TSPAN15: variants seen among roughly 807,000 people sequenced by gnomAD.
TSPAN15 encodes tetraspanin-15.
TSPAN15 carries 20 observed loss-of-function variants against 34.5 expected under a neutral mutation model. The observed-to-expected ratio is 0.58, with a 90% CI of 0.41 to 0.84. The LOEUF is 0.84. Among genes scored for constraint, TSPAN15 ranks in the 40% least tolerant of loss-of-function variants. The pLI, the probability that TSPAN15 is intolerant of heterozygous loss-of-function variation, is 0.00. For synonymous variants in TSPAN15, 155 were observed against 153.9 expected (o/e 1.01, Z -0.05); for missense variants, 313 against 386.1 (o/e 0.81, Z 1.59).
At chr10:69,461,804 G>C (rs112850579) in intron 1 of TSPAN15, among the ~76,000 whole-genome samples, 29 of 152,188 alleles carry the variant, frequency 1.9e-4, no homozygotes, top group Non-Finnish European at 3.8e-4. Flanking sequence ...TCTGAGACTA[G>C]GTCACTTCCC....
At chr10:69,482,470 C>A (rs557281068) in intron 1 of TSPAN15, among the ~76,000 whole-genome samples, 1 of 152,254 alleles carries the variant, frequency 6.6e-6, no homozygotes, top group South Asian at 2.1e-4. Flanking sequence ...TCTTCCTGCT[C>A]CAACCTTTGG....
chr10:69,505,957 C>T (rs537576616), intron 6 of TSPAN15, 167 bp from the exon 7 acceptor site: 1 of 604,260 alleles, frequency 1.7e-6, no homozygotes, highest in African/African-American at 1.8e-5. Flanking sequence ...ACAGTACTGT[C>T]CATTAAGAAT....
intron 6 of TSPAN15, among the ~76,000 whole-genome samples, chr10:69,505,718 T>G (rs2133166700): frequency 6.6e-6 from 1 of 152,274 alleles, no homozygotes; most frequent in Non-Finnish European, 1.5e-5. Context: ...CTGCTTTGTT[T>G]TTTATATGTA....
chr10:69,531,961 A>AC, the TSPAN15 span, among the ~76,000 whole-genome samples: 19 of 151,338 alleles, frequency 1.3e-4, no homozygotes, highest in East Asian at 5.9e-4. Flanking sequence ...CAAAAAAAAA[A>AC]CTTAGGAATA....
chr10:69,464,839 G>A (rs776045494), intron 1 of TSPAN15, among the ~76,000 whole-genome samples: 19 of 152,210 alleles, frequency 1.2e-4, no homozygotes, highest in Non-Finnish European at 2.5e-4. Flanking sequence ...GTGCAGGGGG[G>A]ACAATGGACA....
In TSPAN15 at chr10:69,465,597, A is replaced by C. The variant is rs1427345551; in HGVS notation, c.96+13907A>C. ...CATTCTCTCACTTCAACCTCCAGCA[A>C]CCTAAGAGACAGCGCTGCTCTTGCC... On this transcript the variant is annotated intron_variant, in intron 1 of 7. Coordinates refer to ENST00000373290, the MANE Select transcript of TSPAN15 (RefSeq NM_012339.5). Among the ~76,000 whole-genome samples the C allele has an allele frequency of 2.6e-5, 4 of 152,260 alleles. No individual in the cohort carries two copies. In the South Asian group the frequency reaches 8.3e-4, roughly 32 times the overall value.
At chr10:69,460,561 C>CGCCCAA (rs1252815665) in intron 1 of TSPAN15, among the ~76,000 whole-genome samples, 3 of 151,848 alleles carry the variant, frequency 2.0e-5, no homozygotes, top group Non-Finnish European at 4.4e-5. Context: ...ACCACATGCA[C>CGCCCAA]GCCCAAGGGG....
At chr10:69,516,133 T>C in the TSPAN15 span, among the ~76,000 whole-genome samples, 15 of 152,356 alleles carry the variant, frequency 9.8e-5, no homozygotes, top group East Asian at 2.3e-3. Context: ...GTTACTGTTA[T>C]CGACTCTCAT....
At chr10:69,481,301 C>T (rs1024771676) in intron 1 of TSPAN15, among the ~76,000 whole-genome samples, 1 of 152,164 alleles carries the variant, frequency 6.6e-6, no homozygotes, top group African/African-American at 2.4e-5. Context: ...GGAAAGGCAT[C>T]CTTCTAGACT....
intron 1 of TSPAN15, among the ~76,000 whole-genome samples, chr10:69,473,167 G>A (rs73275727): frequency 0.062 from 9,449 of 152,150 alleles, 1,019 homozygotes; most frequent in African/African-American, 0.22. Context: ...GCATTTTGTT[G>A]TTGTTGTTTT....
intron 1 of TSPAN15, among the ~76,000 whole-genome samples, chr10:69,458,159 A>G (rs2133059586): frequency 6.6e-6 from 1 of 152,326 alleles, no homozygotes; most frequent in East Asian, 1.9e-4. Flanking sequence ...GTGAGGGTAG[A>G]AGATAACCTT....
At chr10:69,495,481 C>T (rs935134877) in intron 3 of TSPAN15, 113 bp from the exon 4 acceptor site, 112 of 732,622 alleles carry the variant, frequency 1.5e-4, no homozygotes, top group African/African-American at 2.6e-4. Flanking sequence ...GCTGGCTGGG[C>T]GCGAGCTGCA....
At chr10:69,510,835 A>G (rs1247660980), downstream of TSPAN15, among the ~76,000 whole-genome samples, 1 of 152,166 alleles carries the variant, frequency 6.6e-6, no homozygotes, top group Non-Finnish European at 1.5e-5. Flanking sequence ...TGAGATAATC[A>G]TGTGGTTTTT....
the TSPAN15 span, among the ~76,000 whole-genome samples, chr10:69,519,978 C>T: frequency 7.6e-3 from 1,164 of 152,270 alleles, 16 homozygotes; most frequent in African/African-American, 0.026. Context: ...GTGATCTGCC[C>T]GCTTTGGCCT....
At chr10:69,500,879 A>C (rs916846864) in intron 5 of TSPAN15, among the ~76,000 whole-genome samples, 6 of 152,114 alleles carry the variant, frequency 3.9e-5, no homozygotes, top group African/African-American at 1.4e-4. Flanking sequence ...CTGACACCTA[A>C]GGGCTCCCCA....
the TSPAN15 span, among the ~76,000 whole-genome samples, chr10:69,513,132 G>A: frequency 1.3e-5 from 2 of 152,188 alleles, no homozygotes; most frequent in Non-Finnish European, 2.9e-5. Context: ...GCTAATGGGT[G>A]TGTGGTGGTA....
At chr10:69,478,618 A>G (rs1841666736) in intron 1 of TSPAN15, among the ~76,000 whole-genome samples, 1 of 152,048 alleles carries the variant, frequency 6.6e-6, no homozygotes, top group African/African-American at 2.4e-5. Flanking sequence ...TTTTTGTGCC[A>G]GGGACCCTTT....
chr10:69,487,278 G>A (rs1841874854), intron 3 of TSPAN15, among the ~76,000 whole-genome samples: 1 of 152,178 alleles, frequency 6.6e-6, no homozygotes, highest in South Asian at 2.1e-4. Context: ...TATCAATGGA[G>A]TCATGGAGGC....
At chr10:69,476,751 C>T (rs542114401) in intron 1 of TSPAN15, among the ~76,000 whole-genome samples, 4 of 152,180 alleles carry the variant, frequency 2.6e-5, no homozygotes, top group African/African-American at 9.6e-5. Flanking sequence ...CCTTTGCTGG[C>T]GGCAGGAGGC....
Sources: gnomAD v4.1 joint callset for allele counts (sites outside exome capture counted in the v4.1 genomes callset) on GRCh38, gnomAD v4.1.1 for gene constraint, MANE v1.5 for transcripts, NCBI Gene and HGNC (gene_info 2026-07-23, HGNC 2026-07-21) for gene names.